GLI2: variants seen among roughly 807,000 people sequenced by gnomAD.
GLI2 encodes the protein GLI family zinc finger 2, also known as transcription activator GLI2.
Under a neutral mutation model 78.9 loss-of-function variants are expected in GLI2, and 22 were observed. The observed-to-expected ratio is 0.28, with a 90% confidence interval of 0.20 to 0.40. The LOEUF is 0.40. GLI2 is among the 10% of genes least tolerant of loss of function. GLI2 has a pLI of 1.00. For missense variants in GLI2, 2,097 were observed against 2,213.2 expected (o/e 0.95, Z 1.05); for synonymous variants, 974 against 963.7 (o/e 1.01, Z -0.20).
intron 2 of GLI2, among the ~76,000 whole-genome samples, chr2:120,913,340 T>C (rs1678928635): frequency 6.6e-6 from 1 of 152,228 alleles, no homozygotes; most frequent in African/African-American, 2.4e-5. Context: ...GTAGTAGGAA[T>C]AAAAGCATGT....
chr2:120,749,326 C>G (rs1352094785), intron 1 of GLI2, among the ~76,000 whole-genome samples: 33 of 152,168 alleles, frequency 2.2e-4, no homozygotes, highest in Non-Finnish European at 5.9e-5. Flanking sequence ...TTTGAGAAAG[C>G]AAGCACAATT....
In GLI2 at chr2:120,851,764, G is replaced by A. The variant is rs1687417586; in HGVS notation, c.148+54296G>A. On this transcript the variant is annotated intron_variant, in intron 2 of 13. Coordinates refer to ENST00000361492, the MANE Select transcript of GLI2 (RefSeq NM_001374353.1). ...CTGGCACTCCTGTTCCTGTGAGGAA[G>A]AATAGACAATCAACAAGTCAACACA... 2.6e-5 allele frequency among the ~76,000 whole-genome samples: 4 copies of A among 152,232 alleles called. 1 individual carries two copies. The South Asian group carries it at 8.3e-4, about 32-fold the overall frequency.
chr2:120,906,046 C>T (rs1327796094), intron 2 of GLI2, among the ~76,000 whole-genome samples: 5 of 152,348 alleles, frequency 3.3e-5, no homozygotes, highest in African/African-American at 4.8e-5. Context: ...ATGCCCTGCT[C>T]GCTGTGGGCA....
intron 1 of GLI2, among the ~76,000 whole-genome samples, chr2:120,754,939 G>A (rs1272745317): frequency 6.6e-6 from 1 of 150,846 alleles, no homozygotes; most frequent in East Asian, 2.0e-4. Context: ...TGCAGTCTCC[G>A]CCTCCGGGTG....
chr2:120,756,411 T>G (rs892841650), intron 1 of GLI2, among the ~76,000 whole-genome samples: 1 of 152,188 alleles, frequency 6.6e-6, no homozygotes, highest in Admixed American at 6.5e-5. Context: ...ATCCTGCTTT[T>G]TGTAGATTTT....
intron 3 of GLI2, among the ~76,000 whole-genome samples, chr2:120,948,951 C>T (rs1363485467): frequency 6.6e-6 from 1 of 152,206 alleles, no homozygotes; most frequent in Non-Finnish European, 1.5e-5. Flanking sequence ...AGCCTGTAGA[C>T]ACCCTGCATT....
intron 1 of GLI2, among the ~76,000 whole-genome samples, chr2:120,753,138 A>T (rs1271111091): frequency 2.4e-5 from 3 of 123,372 alleles, no homozygotes; most frequent in African/African-American, 9.8e-5. Context: ...TCTGTTGCCC[A>T]GTCTGGAGGG....
chr2:120,862,904 G>A (rs1044774326), intron 2 of GLI2, among the ~76,000 whole-genome samples: 3 of 152,190 alleles, frequency 2.0e-5, no homozygotes, highest in Non-Finnish European at 4.4e-5. Flanking sequence ...ATTGTAGCTC[G>A]TATCTCTTTC....
At chr2:120,878,353 T>G (rs1379893806) in intron 2 of GLI2, among the ~76,000 whole-genome samples, 1 of 152,226 alleles carries the variant, frequency 6.6e-6, no homozygotes, top group Non-Finnish European at 1.5e-5. Flanking sequence ...ATACAAAAAA[T>G]TAGGTCCAGG....
At chr2:120,886,159 AGTGTGTGTGTGT>A (rs532891541) in intron 2 of GLI2, among the ~76,000 whole-genome samples, 9,370 of 116,564 alleles carry the variant, frequency 0.08, 407 homozygotes, top group Non-Finnish European at 0.1. Context: ...ATTTTTCCAA[AGTGTGTGTGTGT>A]GTGTGTGTGT....
chr2:120,959,865 C>T (rs749616966), intron 5 of GLI2, among the ~76,000 whole-genome samples: 3 of 152,204 alleles, frequency 2.0e-5, no homozygotes, highest in Admixed American at 6.5e-5. Context: ...CCATCCCTGG[C>T]GCCAGCAGTG....
intron 1 of GLI2, among the ~76,000 whole-genome samples, chr2:120,775,473 G>A (rs1683650597): frequency 6.6e-6 from 1 of 152,180 alleles, no homozygotes; most frequent in Non-Finnish European, 1.5e-5. Context: ...GTGCGCTAAT[G>A]CTCCGGAGGT....
intron 4 of GLI2, among the ~76,000 whole-genome samples, chr2:120,952,775 T>C (rs1156820103): frequency 6.6e-6 from 1 of 152,232 alleles, no homozygotes; most frequent in Admixed American, 6.5e-5. Context: ...TATGCCCAGC[T>C]GCTGTCTTGT....
intron 3 of GLI2, among the ~76,000 whole-genome samples, chr2:120,942,203 G>A (rs911029824): frequency 2.6e-5 from 4 of 152,148 alleles, no homozygotes; most frequent in East Asian, 3.9e-4. Context: ...ACGGTACCAC[G>A]AACTCAGTGG....
At chr2:120,851,843 G>GA (rs1413364993) in intron 2 of GLI2, among the ~76,000 whole-genome samples, 2 of 152,250 alleles carry the variant, frequency 1.3e-5, no homozygotes, top group Non-Finnish European at 2.9e-5. Flanking sequence ...GTGGGCATGA[G>GA]AGGGTAACTG....
At chr2:120,972,150 A>ATGGC in intron 8 of GLI2, 87 bp downstream of exon 8, 1 of 1,478,670 alleles carries the variant, frequency 6.8e-7, no homozygotes, top group Non-Finnish European at 9.4e-7. Flanking sequence ...TGGTGAACGG[A>ATGGC]TGGCTGGCTG....
intron 1 of GLI2, among the ~76,000 whole-genome samples, chr2:120,787,081 A>C (rs1684017852): frequency 6.6e-6 from 1 of 152,186 alleles, no homozygotes; most frequent in Non-Finnish European, 1.5e-5. Context: ...AGGAGCCTTG[A>C]CCTTGGCAGG....
intron 2 of GLI2, among the ~76,000 whole-genome samples, chr2:120,850,351 A>G (rs1222079518): frequency 1.3e-5 from 2 of 152,250 alleles, no homozygotes; most frequent in African/African-American, 4.8e-5. Context: ...TAGGTCATCT[A>G]CAAACGAAGG....
intron 13 of GLI2, 41 bp from the exon 14 acceptor site, chr2:120,988,167 C>T (rs1169727386): frequency 1.3e-6 from 2 of 1,545,598 alleles, no homozygotes; most frequent in Non-Finnish European, 8.7e-7. Flanking sequence ...CAAGCAGCCA[C>T]CCACCCTTGT....
Sources: allele counts gnomAD v4.1 joint callset (sites outside exome capture counted in the v4.1 genomes callset), GRCh38; gene constraint gnomAD v4.1.1; transcripts MANE v1.5; gene names NCBI Gene and HGNC (gene_info 2026-07-23, HGNC 2026-07-21).